Variants in SYT1 observed in about 807,000 individuals in gnomAD.
SYT1 encodes synaptotagmin 1, also known as synaptotagmin-1.
In SYT1, 8 loss-of-function variants were observed where a neutral mutation model predicts 44.8. That is an observed-to-expected ratio of 0.18 (90% CI 0.10 to 0.32). The LOEUF (loss-of-function observed/expected upper bound fraction) is 0.32, where lower values mean the gene tolerates loss of function less well. Ranked by LOEUF, SYT1 falls within the 10% of genes least tolerant of loss-of-function variation. The probability of loss-of-function intolerance (pLI) is 1.00; values close to 1 mark genes in which losing one functional copy is unlikely to be tolerated. For synonymous variants in SYT1, 154 were observed against 188.8 expected (o/e 0.82, Z 1.51); for missense variants, 286 against 509.3 (o/e 0.56, Z 4.22).
intron 3 of SYT1, among the ~76,000 whole-genome samples, chr12:79,185,899 AT>A (rs1413390719): frequency 2.0e-4 from 27 of 135,554 alleles, no homozygotes; most frequent in African/African-American, 7.4e-4. Flanking sequence ...GGCCAAAAAA[AT>A]ATTTAAATGC....
At chr12:79,186,365 C>G (rs1872802548) in intron 3 of SYT1, among the ~76,000 whole-genome samples, 1 of 151,894 alleles carries the variant, frequency 6.6e-6, no homozygotes, top group South Asian at 2.1e-4. Context: ...AACCTGGGTT[C>G]TAGTCTTACA....
chr12:78,938,183 T>C (rs1187722434), intron 1 of SYT1, among the ~76,000 whole-genome samples: 1 of 152,194 alleles, frequency 6.6e-6, no homozygotes, highest in Non-Finnish European at 1.5e-5. Context: ...CCTCTCCCTT[T>C]CCACCCTTTT....
chr12:78,954,999 G>T (rs900938760), intron 1 of SYT1, among the ~76,000 whole-genome samples: 1 of 152,144 alleles, frequency 6.6e-6, no homozygotes, highest in Non-Finnish European at 1.5e-5. Flanking sequence ...GAAGTTTGAA[G>T]ATGAGAAAAC....
chr12:78,926,100 T>C (rs1037568986), intron 1 of SYT1, among the ~76,000 whole-genome samples: 3 of 152,044 alleles, frequency 2.0e-5, no homozygotes, highest in Admixed American at 2.0e-4. Flanking sequence ...TAATTCTGCA[T>C]AAATGTTATA....
chr12:79,293,156 CAAAAAAAA>C (rs746607482), intron 6 of SYT1, among the ~76,000 whole-genome samples: 1 of 107,342 alleles, frequency 9.3e-6, no homozygotes, highest in Non-Finnish European at 1.9e-5. Flanking sequence ...ACAAAAAATA[CAAAAAAAA>C]AAAAAAAAAA....
chr12:79,322,347 T>C (rs73352951), intron 8 of SYT1, among the ~76,000 whole-genome samples: 2,847 of 152,256 alleles, frequency 0.019, 83 homozygotes, highest in African/African-American at 0.065. Flanking sequence ...GCACCTTATC[T>C]TTCCTTTTAA....
chr12:79,006,101 G>T (rs1245917466), intron 2 of SYT1, among the ~76,000 whole-genome samples: 1 of 152,098 alleles, frequency 6.6e-6, no homozygotes, highest in Non-Finnish European at 1.5e-5. Flanking sequence ...CTCATTCAAG[G>T]TTTTCTTCTA....
At chr12:79,393,997 G>A (rs1486344676) in intron 9 of SYT1, 4 of 152,188 alleles carry the variant, frequency 2.6e-5, no homozygotes, top group African/African-American at 9.7e-5. Context: ...ATCCTGTGCT[G>A]TTCCCTCCTG....
chr12:79,212,720 C>CTGGCA (rs1440117023), intron 3 of SYT1, among the ~76,000 whole-genome samples: 1 of 152,084 alleles, frequency 6.6e-6, no homozygotes, highest in Non-Finnish European at 1.5e-5. Context: ...CTTCCATTTA[C>CTGGCA]TGGCAAATAG....
At chr12:79,140,699 T>C (rs761425538) in intron 3 of SYT1, among the ~76,000 whole-genome samples, 4 of 152,200 alleles carry the variant, frequency 2.6e-5, no homozygotes, top group African/African-American at 4.8e-5. Context: ...TTGTTAGTTT[T>C]ACAAGCTCCT....
chr12:79,056,861 T>G (rs533369247), intron 3 of SYT1, among the ~76,000 whole-genome samples: 12 of 152,076 alleles, frequency 7.9e-5, no homozygotes, highest in Non-Finnish European at 1.5e-4. Context: ...TCTCCTCATT[T>G]TAAAACCTCA....
intron 1 of SYT1, among the ~76,000 whole-genome samples, chr12:78,977,124 C>T (rs964587017): frequency 4.2e-5 from 6 of 144,362 alleles, no homozygotes; most frequent in South Asian, 4.4e-4. Flanking sequence ...AAAAGAAAGG[C>T]GAAGGAAGGG....
At chr12:79,395,654 T>A (rs1156793891) in intron 9 of SYT1, among the ~76,000 whole-genome samples, 11 of 151,826 alleles carry the variant, frequency 7.2e-5, no homozygotes, top group Non-Finnish European at 1.5e-5. Flanking sequence ...CCCAAAGTGC[T>A]GGGATTACAG....
At chr12:79,141,784 C>T (rs922179254) in intron 3 of SYT1, among the ~76,000 whole-genome samples, 1 of 152,094 alleles carries the variant, frequency 6.6e-6, no homozygotes, top group South Asian at 2.1e-4. Flanking sequence ...TTCTAATGCT[C>T]CCACAATTTT....
intron 1 of SYT1, among the ~76,000 whole-genome samples, chr12:78,876,090 A>G (rs571787923): frequency 6.6e-6 from 1 of 151,824 alleles, no homozygotes; most frequent in East Asian, 1.9e-4. Context: ...TATATCCTAC[A>G]AAACTCTAAT....
At position 79,372,680 on chromosome 12, in the gene SYT1, T is replaced by C. The variant is rs1234267413; in HGVS notation, c.928+19061T>C. Among the ~76,000 whole-genome samples, 4 of 152,210 alleles carry C rather than the reference T, an allele frequency of 2.6e-5. No individual in the cohort carries two copies. The East Asian group carries it at 7.7e-4, about 29-fold the overall frequency. On this transcript the variant is annotated intron_variant, in intron 9 of 10. Transcript: ENST00000261205. ...TAAAGTGAACTGAAGCTGTTGATTA[T>C]ACAGGAGGATTCCCCAACAAGTAGA...
chr12:79,176,275 G>A (rs1871859771), intron 3 of SYT1, among the ~76,000 whole-genome samples: 1 of 134,210 alleles, frequency 7.5e-6, no homozygotes, highest in Non-Finnish European at 1.6e-5. Flanking sequence ...GGCAACAAGA[G>A]CGAAATTCTG....
intron 4 of SYT1, among the ~76,000 whole-genome samples, chr12:79,225,031 T>C (rs1273179678): frequency 6.6e-6 from 1 of 151,842 alleles, no homozygotes; most frequent in Non-Finnish European, 1.5e-5. Context: ...TCTGCCTGCC[T>C]TGGCCTCCCA....
chr12:78,973,980 T>A (rs1592621869), intron 1 of SYT1, among the ~76,000 whole-genome samples: 1 of 94,774 alleles, frequency 1.1e-5, no homozygotes, highest in African/African-American at 4.2e-5. Context: ...TATATATATA[T>A]ATATATATGC....
Sources: gnomAD v4.1 joint callset for allele counts (sites outside exome capture counted in the v4.1 genomes callset) on GRCh38, gnomAD v4.1.1 for gene constraint, MANE v1.5 for transcripts, NCBI Gene and HGNC (gene_info 2026-07-23, HGNC 2026-07-21) for gene names.